SMG6: variants seen among roughly 807,000 people sequenced by gnomAD.
The protein encoded by SMG6 is telomerase-binding protein EST1A.
SMG6 carries 66 observed loss-of-function variants against 142.2 expected under a neutral mutation model. That is an observed-to-expected ratio of 0.46 (90% confidence interval 0.38 to 0.57). The LOEUF (loss-of-function observed/expected upper bound fraction) is 0.57, where lower values mean the gene tolerates loss of function less well. Ranked by LOEUF, SMG6 falls within the 20% of genes least tolerant of loss-of-function variation. The pLI, the probability that SMG6 is intolerant of heterozygous loss-of-function variation, is 0.00. For missense variants in SMG6, 1,793 were observed against 1,832.0 expected (o/e 0.98, Z 0.39); for synonymous variants, 779 against 702.4 (o/e 1.11, Z -1.72).
chr17:2,100,743 C>T (rs1287745485), intron 13 of SMG6, among the ~76,000 whole-genome samples: 4 of 152,084 alleles, frequency 2.6e-5, no homozygotes, highest in Admixed American at 6.6e-5. Flanking sequence ...GATGGGGTCT[C>T]GCGATATTGA....
chr17:2,243,696 G>T (rs191143156), intron 9 of SMG6, among the ~76,000 whole-genome samples: 1 of 152,250 alleles, frequency 6.6e-6, no homozygotes, highest in Non-Finnish European at 1.5e-5. Flanking sequence ...AAGCCTTCTA[G>T]AGAATTACAG....
intron 13 of SMG6, among the ~76,000 whole-genome samples, chr17:2,106,763 G>A (rs760270279): frequency 5.3e-5 from 8 of 151,998 alleles, no homozygotes; most frequent in African/African-American, 1.9e-4. Context: ...GGAAACCTCC[G>A]TGTCCCTGCT....
At chr17:2,179,055 G>A (rs1210590228) in intron 12 of SMG6, among the ~76,000 whole-genome samples, 2 of 152,182 alleles carry the variant, frequency 1.3e-5, no homozygotes, top group East Asian at 3.9e-4. Flanking sequence ...GGCGTGGGGA[G>A]GGGACAGGGG....
chr17:2,102,528 A>ATTTTTTTT (rs374584197), intron 13 of SMG6, among the ~76,000 whole-genome samples: 1 of 81,614 alleles, frequency 1.2e-5, no homozygotes, highest in Non-Finnish European at 2.4e-5. Context: ...TGCTAATTTC[A>ATTTTTTTT]TTTTTTTTTT....
chr17:2,231,140 A>AG (rs2073480213), intron 10 of SMG6, among the ~76,000 whole-genome samples: 1 of 152,166 alleles, frequency 6.6e-6, no homozygotes, highest in East Asian at 1.9e-4. Flanking sequence ...GACAGAAGTG[A>AG]ATCACCACAG....
intron 1 of SMG6, among the ~76,000 whole-genome samples, chr17:2,301,327 C>T (rs1222140349): frequency 6.6e-6 from 1 of 152,202 alleles, no homozygotes; most frequent in East Asian, 1.9e-4. Flanking sequence ...TCTTCAACTT[C>T]ACCCATCCTC....
At chr17:2,241,142 A>T (rs1275765080) in intron 9 of SMG6, among the ~76,000 whole-genome samples, 30 of 152,162 alleles carry the variant, frequency 2.0e-4, no homozygotes, top group Non-Finnish European at 3.1e-4. Flanking sequence ...AAACTACCGT[A>T]AGTCATTTCT....
chr17:2,065,293 G>A, intron 17 of SMG6, 139 bp from the exon 18 acceptor site: 1 of 985,152 alleles, frequency 1.0e-6, no homozygotes, highest in Non-Finnish European at 1.6e-6. Context: ...GCCCTGCCTG[G>A]CCTGATCTGA....
At chr17:2,082,227 C>T (rs998194269) in intron 14 of SMG6, 6 of 419,814 alleles carry the variant, frequency 1.4e-5, no homozygotes, top group African/African-American at 1.2e-4. Context: ...ACATATATAC[C>T]TGCGTGCTTT....
At chr17:2,069,007 G>A (rs377472249) in intron 15 of SMG6, 76 bp from the exon 16 acceptor site, 11 of 1,461,494 alleles carry the variant, frequency 7.5e-6, no homozygotes, top group African/African-American at 4.2e-5. Context: ...CTGACACTAC[G>A]GTGTGTCAGC....
In SMG6 at chr17:2,297,354, C is replaced by T. The variant is rs2075165403; in HGVS notation, c.2041-1G>A. Reference sequence around the variant, plus strand: ...GCAAACTATCAAAGAAGTCACTACCCTATAAAAAGAAAAAAAGAAATGACT... The same window carrying T: ...GCAAACTATCAAAGAAGTCACTACCTTATAAAAAGAAAAAAAGAAATGACT... On this transcript the variant is annotated splice_acceptor_variant, in intron 3 of 18. Coordinates refer to ENST00000263073, the MANE Select transcript of SMG6 (RefSeq NM_017575.5). LOFTEE classifies it high-confidence loss of function. 2 of 1,593,944 alleles carry T rather than the reference C, an allele frequency of 1.3e-6. No homozygotes were observed. The highest frequency in any genetic ancestry group is 1.7e-6 in the Non-Finnish European group (2 of 1,172,472).
At chr17:2,292,245 G>C (rs1160287148) in intron 6 of SMG6, among the ~76,000 whole-genome samples, 3 of 152,206 alleles carry the variant, frequency 2.0e-5, no homozygotes, top group African/African-American at 7.2e-5. Flanking sequence ...AAAGGGAAGA[G>C]AATCAAGACA....
At chr17:2,261,195 T>TC (rs1567727131) in intron 8 of SMG6, among the ~76,000 whole-genome samples, 1 of 150,430 alleles carries the variant, frequency 6.6e-6, no homozygotes, top group East Asian at 1.9e-4. Flanking sequence ...GCACCTGTAG[T>TC]CCCAGCTACT....
At position 2,289,069 on chromosome 17, in the gene SMG6, ACT is replaced by A. The variant is rs1347762673; in HGVS notation, c.2337+3481_2337+3482del. On this transcript the variant is annotated intron_variant, in intron 6 of 18. Transcript: ENST00000263073. The stretch of plus-strand genomic sequence containing the variant: ...ACTCCAGCCTGGGCAACAGAGCAAG[ACT>A]CTGTCTCAAAAAAAAAAAAAAAAAA... Among the ~76,000 whole-genome samples, 6 of 115,012 alleles carry A rather than the reference ACT, an allele frequency of 5.2e-5. No homozygotes were observed. The South Asian group carries it at 1.4e-3, about 27-fold the overall frequency. 75.5% of individuals were successfully genotyped at this position (115,012 alleles called of 152,430 possible). A position where few individuals can be genotyped will look rare whatever the true frequency, so the allele number is the denominator to read the frequency against.
intron 13 of SMG6, among the ~76,000 whole-genome samples, chr17:2,106,166 C>T (rs2069149807): frequency 6.6e-6 from 1 of 152,178 alleles, no homozygotes. Flanking sequence ...TGATTGAGTT[C>T]TCAGGGAGAC....
rs1417362295 is a variant in SMG6 at position 2,282,694 on chromosome 17, T to G, written c.2614A>C (p.Lys872Gln). ...PRSSQGTESG[K>Q]DSEQENGLGS... is the part of the protein sequence containing the mutation. ...AGCCCATTCTCTTGCTCAGAATCCT[T>G]CCCAGACTCAGTGCCCTGGGAAGAC... is the stretch of plus-strand genomic sequence containing the variant. The change falls in exon 8 of 19, where the codon AAG becomes CAG. Residue 872 changes from lysine to glutamine, a missense_variant. This residue lies in a region of SMG6 where 1,597 missense variants were observed against 1,584.6 expected (regional missense o/e 1.01). Coordinates refer to ENST00000263073, the MANE Select transcript of SMG6 (RefSeq NM_017575.5). 41 of 1,614,050 alleles carry G rather than the reference T, an allele frequency of 2.5e-5. No homozygotes were observed. The highest frequency in any genetic ancestry group is 3.1e-5 in the Non-Finnish European group (37 of 1,179,972).
At chr17:2,221,010 G>A (rs1445723944) in intron 10 of SMG6, among the ~76,000 whole-genome samples, 1 of 152,086 alleles carries the variant, frequency 6.6e-6, no homozygotes, top group African/African-American at 2.4e-5. Context: ...ATATGAGTAG[G>A]GAAATAAAAA....
At chr17:2,180,949 G>T (rs1567663425) in intron 12 of SMG6, among the ~76,000 whole-genome samples, 2 of 152,184 alleles carry the variant, frequency 1.3e-5, no homozygotes, top group African/African-American at 4.8e-5. Context: ...GCACTAAACA[G>T]CAGCCATTTC....
Position 2,300,147 on chromosome 17 carries a change from C to G in SMG6, c.606G>C (p.Lys202Asn). 6.2e-7 allele frequency: 1 copy of G among 1,614,128 alleles called. No individual in the cohort carries two copies. Among genetic ancestry groups the G allele is most frequent in the Non-Finnish European group, 8.5e-7 (1 of 1,179,996 alleles). The part of the protein sequence containing the change: ...ANKPDRAEIE[K>N]SPGGGRVGAA... ...CCCCTACTCTCCCACCACCTGGGCT[C>G]TTTTCTATCTCAGCCCTGTCTGGTT... Residue 202 changes from lysine (K) to asparagine (N), a missense_variant, in exon 2 of 19, where the codon AAG becomes AAC. Physicochemically the swap from Lys to Asn is moderately conservative, Grantham distance 94. Coordinates refer to ENST00000263073, the MANE Select transcript of SMG6 (RefSeq NM_017575.5).
Sources: allele counts gnomAD v4.1 joint callset (sites outside exome capture counted in the v4.1 genomes callset), GRCh38; gene constraint gnomAD v4.1.1; regional missense constraint gnomAD v4.1.1; transcripts MANE v1.5; gene names NCBI Gene and HGNC (gene_info 2026-07-23, HGNC 2026-07-21).